HSD17B11: variants seen among roughly 807,000 people sequenced by gnomAD.
The protein encoded by HSD17B11 is estradiol 17-beta-dehydrogenase 11.
A neutral mutation model predicts 27.8 loss-of-function variants in HSD17B11; 22 were observed. The observed-to-expected ratio is 0.79, with a 90% CI of 0.56 to 1.13. The LOEUF (loss-of-function observed/expected upper bound fraction) is 1.13, where lower values mean the gene tolerates loss of function less well. Among genes scored for constraint, HSD17B11 ranks in the 50% most tolerant of loss-of-function variants. The pLI, the probability that HSD17B11 is intolerant of heterozygous loss-of-function variation, is 0.00. For synonymous variants in HSD17B11, 117 were observed against 132.8 expected (o/e 0.88, Z 0.82); for missense variants, 314 against 351.1 (o/e 0.89, Z 0.84).
chr4:87,377,120 ACT>A (rs1401291940), intron 2 of HSD17B11, among the ~76,000 whole-genome samples: 1 of 149,974 alleles, frequency 6.7e-6, no homozygotes, highest in Non-Finnish European at 1.5e-5. Context: ...ACAGAGCAAG[ACT>A]CTGTCTCAAA....
At chr4:87,356,064 A>G (rs1735378728) in intron 5 of HSD17B11, among the ~76,000 whole-genome samples, 2 of 152,190 alleles carry the variant, frequency 1.3e-5, no homozygotes, top group African/African-American at 4.8e-5. Context: ...GGGTAAAAAC[A>G]AAGATGATTC....
At chr4:87,387,895 A>C (rs2110135678) in intron 1 of HSD17B11, among the ~76,000 whole-genome samples, 1 of 152,224 alleles carries the variant, frequency 6.6e-6, no homozygotes, top group South Asian at 2.1e-4. Context: ...CCATCATTTC[A>C]TCTCATGCCT....
chr4:87,336,741 C>T lies in HSD17B11; in HGVS notation c.*535G>A, dbSNP rs1321006586. On this transcript the variant is annotated 3_prime_UTR_variant, in exon 7 of 7. Coordinates refer to ENST00000358290, the MANE Select transcript of HSD17B11 (RefSeq NM_016245.5). Reference sequence around the variant, plus strand: ...AGCTTCCCTGTGCAGAAATGTTTGGCATTGGAATGTGAGGTATCTCTCAGG... The same window carrying T: ...AGCTTCCCTGTGCAGAAATGTTTGGTATTGGAATGTGAGGTATCTCTCAGG... 6.5e-6 allele frequency: 1 copy of T among 153,494 alleles called. No individual in the cohort carries two copies. 9.5% of individuals were successfully genotyped at this position (153,494 alleles called of 1,614,324 possible).
intron 4 of HSD17B11, among the ~76,000 whole-genome samples, chr4:87,370,752 ATTAT>A (rs774749145): frequency 0.52 from 27,660 of 52,824 alleles, 6,379 homozygotes; most frequent in Admixed American, 0.56. Flanking sequence ...TATTATTATT[ATTAT>A]TTTTTTTTTT....
At chr4:87,359,465 A>T (rs1181972014) in intron 4 of HSD17B11, among the ~76,000 whole-genome samples, 1 of 152,152 alleles carries the variant, frequency 6.6e-6, no homozygotes, top group Non-Finnish European at 1.5e-5. Context: ...GTGCTCAAGC[A>T]ATCCTATCAC....
intron 5 of HSD17B11, 144 bp downstream of exon 5, chr4:87,357,135 C>T: frequency 5.5e-6 from 5 of 913,780 alleles, no homozygotes; most frequent in Non-Finnish European, 7.8e-6. Context: ...ACCTGTTTTC[C>T]CACAATCTGC....
At chr4:87,340,400 A>G in intron 6 of HSD17B11, 90 bp downstream of exon 6, 1 of 788,228 alleles carries the variant, frequency 1.3e-6, no homozygotes, top group Non-Finnish European at 2.0e-6. Flanking sequence ...ACTGTACTTT[A>G]TCAACTGCCT....
intron 5 of HSD17B11, among the ~76,000 whole-genome samples, chr4:87,352,968 C>T (rs1393441441): frequency 9.9e-6 from 1 of 101,490 alleles, no homozygotes; most frequent in Non-Finnish European, 1.9e-5. Flanking sequence ...AATGCCTCGC[C>T]CTGCTTCGGC....
intron 5 of HSD17B11, among the ~76,000 whole-genome samples, chr4:87,341,223 G>A (rs1402223321): frequency 4.6e-5 from 7 of 152,066 alleles, no homozygotes; most frequent in Admixed American, 1.3e-4. Flanking sequence ...CCAGGCTGGA[G>A]TGCAGTGGTG....
chr4:87,387,870 C>G (rs1720359999), intron 1 of HSD17B11, among the ~76,000 whole-genome samples: 1 of 152,102 alleles, frequency 6.6e-6, no homozygotes, highest in Non-Finnish European at 1.5e-5. Flanking sequence ...TACTGCCAAC[C>G]CGGTTCAATA....
chr4:87,368,590 G>A (rs1313020065), intron 4 of HSD17B11, among the ~76,000 whole-genome samples: 1 of 152,172 alleles, frequency 6.6e-6, no homozygotes, highest in Non-Finnish European at 1.5e-5. Context: ...TAGGAGCTGG[G>A]TAAAATGAGG....
chr4:87,380,478 AAAAAAAAAAAG>A lies in HSD17B11; in HGVS notation c.318+1766_318+1776del, dbSNP rs1404237784. Among the ~76,000 whole-genome samples the A allele has an allele frequency of 3.7e-3, 501 of 135,814 alleles. 1 individual carries two copies. Among genetic ancestry groups the A allele is most frequent in the African/African-American group, 4.9e-3 (176 of 36,102 alleles). The allele number at this position is 135,814 out of a possible 152,430, so 89.1% of individuals were successfully genotyped here. A position where few individuals can be genotyped will look rare whatever the true frequency, so the allele number is the denominator to read the frequency against. On this transcript the variant is annotated intron_variant, in intron 2 of 6. Transcript: ENST00000358290. The stretch of plus-strand genomic sequence containing the variant: ...ACAGAGCAAGACTGTCTCAAAAAAA[AAAAAAAAAAAG>A]AAAAAAGAAAAGAAAAGAGAAAAAG...
chr4:87,381,109 C>G (rs1379671047), intron 2 of HSD17B11, among the ~76,000 whole-genome samples: 1 of 149,418 alleles, frequency 6.7e-6, no homozygotes, highest in East Asian at 2.0e-4. Flanking sequence ...CGCTTGTGAA[C>G]CCGGGAGGTG....
intron 2 of HSD17B11, among the ~76,000 whole-genome samples, chr4:87,376,295 A>G (rs2110126989): frequency 6.6e-6 from 1 of 152,256 alleles, no homozygotes; most frequent in East Asian, 1.9e-4. Flanking sequence ...ACTTGAGGTC[A>G]GGAATCGGAG....
At chr4:87,379,893 C>CAGAT (rs1021472895) in intron 2 of HSD17B11, among the ~76,000 whole-genome samples, 1 of 143,222 alleles carries the variant, frequency 7.0e-6, no homozygotes. Context: ...TTATACAGCA[C>CAGAT]ATCTCATATA....
rs1463552775 is a variant in HSD17B11, at chr4:87,391,042, A to G, written c.29T>C (p.Leu10Pro). 1.2e-6 allele frequency: 2 copies of G among 1,613,800 alleles called. No individual in the cohort carries two copies. Among genetic ancestry groups the G allele is most frequent in the Admixed American group, 1.7e-5 (1 of 59,992 alleles). The stretch of plus-strand genomic sequence containing the variant: ...GGAGCAGACGATCAGTAACGGGAGA[A>G]GCAGGAGGATGTCCAGAAGAAATTT... MKFLLDILLLLPLLIVCSLE... is the reference protein window; with the variant it reads MKFLLDILLPLPLLIVCSLE... The change falls in exon 1 of 7, where the codon CTT becomes CCT. Residue 10 changes from leucine (L) to proline (P), a missense_variant. By Grantham distance (98) the Leu-to-Pro change is moderately conservative. Transcript: ENST00000358290.
chr4:87,341,585 G>C (rs1423063851), intron 5 of HSD17B11, among the ~76,000 whole-genome samples: 1 of 152,174 alleles, frequency 6.6e-6, no homozygotes, highest in Non-Finnish European at 1.5e-5. Context: ...GGGTGTGACG[G>C]TTCAGGCCTG....
chr4:87,375,033 G>A (rs544941498), intron 2 of HSD17B11, among the ~76,000 whole-genome samples: 8 of 152,116 alleles, frequency 5.3e-5, no homozygotes, highest in East Asian at 1.9e-4. Flanking sequence ...AGCAGGGACT[G>A]AAGGCTCATG....
At chr4:87,363,197 G>GCT (rs1292747986) in intron 4 of HSD17B11, among the ~76,000 whole-genome samples, 1 of 152,108 alleles carries the variant, frequency 6.6e-6, no homozygotes, top group African/African-American at 2.4e-5. Context: ...CACTAGGGCT[G>GCT]CTCAGGGAAA....
Sources: allele counts gnomAD v4.1 joint callset (sites outside exome capture counted in the v4.1 genomes callset), GRCh38; gene constraint gnomAD v4.1.1; transcripts MANE v1.5; gene names NCBI Gene and HGNC (gene_info 2026-07-23, HGNC 2026-07-21).